Variants in ABCA1 observed in about 807,000 individuals in gnomAD.
ABCA1 encodes the protein ATP binding cassette subfamily A member 1, also known as phospholipid-transporting ATPase ABCA1.
Under a neutral mutation model 262.5 loss-of-function variants are expected in ABCA1, and 133 were observed. The ratio of observed to expected loss-of-function variants is 0.51; its 90% CI spans 0.44 to 0.59. ABCA1 has a LOEUF of 0.59. ABCA1 is among the 20% of genes least tolerant of loss of function. ABCA1 has a pLI of 0.00. For missense variants in ABCA1, 2,452 were observed against 2,777.5 expected (o/e 0.88, Z 2.63); for synonymous variants, 1,022 against 1,043.5 (o/e 0.98, Z 0.40).
chr9:104,893,857 C>T (rs1839982616), intron 2 of ABCA1, among the ~76,000 whole-genome samples: 1 of 152,158 alleles, frequency 6.6e-6, no homozygotes, highest in Admixed American at 6.5e-5. Context: ...CTAGAAATAT[C>T]AACAGGATCC....
chr9:104,819,623 G>A lies in ABCA1; in HGVS notation c.3204C>T (p.Arg1068=), dbSNP rs55814314. ...EPTAGVDPYS[R]RGIWELLLKY... is the part of the protein sequence containing the mutation. ...TCAGCAGCAGCTCCCATATTCCCCT[G>A]CGGGAGTAAGGGTCCACACCAGCTG... Residue 1068 remains arginine, a synonymous_variant, in exon 22 of 50, where the codon CGC becomes CGT. Coordinates refer to ENST00000374736, the MANE Select transcript of ABCA1 (RefSeq NM_005502.4). 1,337 of 1,614,204 alleles carry A rather than the reference G, an allele frequency of 8.3e-4. 14 individuals are homozygous for A. The highest frequency in any genetic ancestry group is 6.3e-3 in the South Asian group (573 of 91,088).
chr9:104,909,640 A>G (rs1841379411), intron 1 of ABCA1, among the ~76,000 whole-genome samples: 1 of 147,056 alleles, frequency 6.8e-6, no homozygotes, highest in African/African-American at 2.5e-5. Flanking sequence ...ACACACACAC[A>G]CACACACACA....
At chr9:104,790,832 T>C (rs1413812554) in intron 44 of ABCA1, 90 bp downstream of exon 44, 1 of 914,006 alleles carries the variant, frequency 1.1e-6, no homozygotes, top group African/African-American at 1.6e-5. Context: ...ACTCTAAAAA[T>C]ACCACTGTAA....
chr9:104,840,634 A>G, intron 8 of ABCA1, 115 bp from the exon 9 acceptor site: 1 of 1,095,056 alleles, frequency 9.1e-7, no homozygotes, highest in Non-Finnish European at 1.3e-6. Context: ...CTCAAAAGCC[A>G]TGTCCCAGAA....
intron 8 of ABCA1, among the ~76,000 whole-genome samples, chr9:104,844,399 A>T (rs1834673453): frequency 6.6e-6 from 1 of 152,172 alleles, no homozygotes. Context: ...GTCAGACCTC[A>T]TCAGTCAGAA....
intron 1 of ABCA1, among the ~76,000 whole-genome samples, chr9:104,920,519 T>C (rs1842086478): frequency 6.6e-6 from 1 of 152,060 alleles, no homozygotes. Flanking sequence ...AAGCAAGATT[T>C]TTGTTTTGTT....
intron 20 of ABCA1, 107 bp from the exon 21 acceptor site, chr9:104,820,176 CT>C (rs1369396755): frequency 1.0e-5 from 14 of 1,403,786 alleles, no homozygotes; most frequent in African/African-American, 1.4e-5. Flanking sequence ...TCTCCCCGTG[CT>C]TTTTAAAATA....
intron 1 of ABCA1, among the ~76,000 whole-genome samples, chr9:104,911,548 C>T (rs1316265670): frequency 6.6e-6 from 1 of 152,134 alleles, no homozygotes; most frequent in East Asian, 1.9e-4. Context: ...CAGGCTGACC[C>T]ATCAGCTTAA....
chr9:104,793,394 G>C (rs543399428), intron 40 of ABCA1, 94 bp from the exon 41 acceptor site: 1 of 1,529,320 alleles, frequency 6.5e-7, no homozygotes. Context: ...AAAATTCACC[G>C]ATCTTCCAAT....
chr9:104,869,941 G>A (rs1480618601), intron 5 of ABCA1, among the ~76,000 whole-genome samples: 1 of 152,174 alleles, frequency 6.6e-6, no homozygotes, highest in Non-Finnish European at 1.5e-5. Context: ...ATGACACTAA[G>A]TGTGTTAAGT....
At chr9:104,914,227 C>T (rs1486729246) in intron 1 of ABCA1, among the ~76,000 whole-genome samples, 1 of 151,608 alleles carries the variant, frequency 6.6e-6, no homozygotes. Context: ...CCTGTAATCC[C>T]TGCACTTTGG....
chr9:104,912,477 C>G (rs367996885), intron 1 of ABCA1, among the ~76,000 whole-genome samples: 7 of 152,172 alleles, frequency 4.6e-5, no homozygotes, highest in East Asian at 1.9e-4. Context: ...CTTGGACAAC[C>G]AAAGATCCTA....
chr9:104,859,537 G>T (rs1412433502), intron 6 of ABCA1, among the ~76,000 whole-genome samples: 1 of 152,226 alleles, frequency 6.6e-6, no homozygotes, highest in African/African-American at 2.4e-5. Flanking sequence ...AATTGGGGCA[G>T]GCTGATGTGC....
At chr9:104,908,262 T>C (rs952000654) in intron 1 of ABCA1, among the ~76,000 whole-genome samples, 4 of 152,244 alleles carry the variant, frequency 2.6e-5, no homozygotes, top group Admixed American at 2.6e-4. Context: ...AGTACTATTA[T>C]ATGACCCAGT....
chr9:104,884,883 A>G (rs1260948599), intron 3 of ABCA1, among the ~76,000 whole-genome samples: 2 of 152,234 alleles, frequency 1.3e-5, no homozygotes, highest in African/African-American at 4.8e-5. Flanking sequence ...TCTCAGACAT[A>G]GAGGGGACTT....
chr9:104,887,868 A>C (rs559703459), intron 3 of ABCA1, among the ~76,000 whole-genome samples: 54 of 151,842 alleles, frequency 3.6e-4, no homozygotes, highest in East Asian at 5.9e-4. Context: ...CTGGGATTAC[A>C]GGTGTGCGCC....
chr9:104,918,578 G>C (rs1237756063), intron 1 of ABCA1, among the ~76,000 whole-genome samples: 7 of 152,190 alleles, frequency 4.6e-5, no homozygotes, highest in Non-Finnish European at 1.0e-4. Context: ...TAGCACTATA[G>C]GTGTATTAGT....
intron 6 of ABCA1, among the ~76,000 whole-genome samples, 180 bp from the exon 7 acceptor site, chr9:104,858,878 A>G (rs1402767777): frequency 6.6e-6 from 1 of 152,252 alleles, no homozygotes; most frequent in Non-Finnish European, 1.5e-5. Flanking sequence ...GTATCAAAGC[A>G]CAAGGCACAA....
chr9:104,806,834 G>C (rs2118914171), intron 30 of ABCA1, among the ~76,000 whole-genome samples: 1 of 152,242 alleles, frequency 6.6e-6, no homozygotes, highest in East Asian at 1.9e-4. Flanking sequence ...CCATGGAGGA[G>C]ACGAACAACA....
Sources: gnomAD v4.1 joint callset for allele counts (sites outside exome capture counted in the v4.1 genomes callset) on GRCh38, gnomAD v4.1.1 for gene constraint, MANE v1.5 for transcripts, NCBI Gene and HGNC (gene_info 2026-07-23, HGNC 2026-07-21) for gene names.